SEPTIN11: variants seen among roughly 807,000 people sequenced by gnomAD.
The protein encoded by SEPTIN11 is septin-11.
A neutral mutation model predicts 51.4 loss-of-function variants in SEPTIN11; 25 were observed. That is an observed-to-expected ratio of 0.49 (90% CI 0.35 to 0.68). The LOEUF (loss-of-function observed/expected upper bound fraction) is 0.68, where lower values mean the gene tolerates loss of function less well. Ranked by LOEUF, SEPTIN11 falls within the 30% of genes least tolerant of loss-of-function variation. SEPTIN11 has a pLI of 0.00. For missense variants in SEPTIN11, 381 were observed against 520.8 expected (o/e 0.73, Z 2.61); for synonymous variants, 174 against 184.1 (o/e 0.95, Z 0.44).
intron 2 of SEPTIN11, among the ~76,000 whole-genome samples, chr4:77,000,979 G>A (rs1036370317): frequency 2.0e-5 from 3 of 152,202 alleles, no homozygotes; most frequent in Non-Finnish European, 4.4e-5. Context: ...GGCAATTAGA[G>A]TGAAAGATGC....
chr4:76,982,233 G>C (rs1722808804), intron 1 of SEPTIN11, among the ~76,000 whole-genome samples: 1 of 148,218 alleles, frequency 6.7e-6, no homozygotes, highest in African/African-American at 2.5e-5. Context: ...TTTTGATTGA[G>C]ATGGAGTCTT....
At chr4:76,954,334 A>G (rs1721470795) in intron 1 of SEPTIN11, among the ~76,000 whole-genome samples, 2 of 152,172 alleles carry the variant, frequency 1.3e-5, no homozygotes, top group Non-Finnish European at 2.9e-5. Context: ...TCCATCTTTC[A>G]TAGTCTTAGC....
intron 3 of SEPTIN11, among the ~76,000 whole-genome samples, chr4:77,006,113 T>C (rs894329137): frequency 2.0e-5 from 3 of 151,982 alleles, no homozygotes; most frequent in African/African-American, 7.3e-5. Flanking sequence ...GGAAAAGCAA[T>C]CTAGAGAAAC....
chr4:77,004,792 G>A (rs1460325796), intron 2 of SEPTIN11, among the ~76,000 whole-genome samples: 1 of 151,990 alleles, frequency 6.6e-6, no homozygotes, highest in African/African-American at 2.4e-5. Context: ...GTGAAACCCC[G>A]TCTCTACTAA....
At chr4:77,020,170 A>G (rs1365965970) in intron 6 of SEPTIN11, among the ~76,000 whole-genome samples, 1 of 152,126 alleles carries the variant, frequency 6.6e-6, no homozygotes, top group Non-Finnish European at 1.5e-5. Flanking sequence ...TTGCTCACCA[A>G]GCTCCTGCGT....
In SEPTIN11 at chr4:76,984,431, G is replaced by C. The variant is rs748338623; in HGVS notation, c.28-11994G>C. 5.3e-5 allele frequency among the ~76,000 whole-genome samples: 8 copies of C among 152,164 alleles called. No homozygotes were observed. The highest frequency in any genetic ancestry group is 9.7e-5 in the African/African-American group (4 of 41,446). On this transcript the variant is annotated intron_variant, in intron 1 of 9. Coordinates refer to ENST00000264893, the MANE Select transcript of SEPTIN11 (RefSeq NM_018243.4). This position sits in a 1 kb window ranked among gnomAD's most constrained non-coding sequence, Gnocchi z 4.1. ...GAAATATATGGTATCTTTCAGAAAG[G>C]AAGTGGCTAATTTATATCCGGTGAT... is the stretch of plus-strand genomic sequence containing the variant.
At chr4:76,990,492 C>A (rs1440781245) in intron 1 of SEPTIN11, among the ~76,000 whole-genome samples, 1 of 152,108 alleles carries the variant, frequency 6.6e-6, no homozygotes, top group South Asian at 2.1e-4. Flanking sequence ...CAGCAGGAGG[C>A]GAGTGATGGG....
chr4:77,031,007 A>G (rs1470002612), intron 9 of SEPTIN11, 37 bp downstream of exon 9: 1 of 1,550,276 alleles, frequency 6.5e-7, no homozygotes, highest in Non-Finnish European at 8.7e-7. Context: ...GGGGACCTCT[A>G]ACAATTTATT....
intron 1 of SEPTIN11, among the ~76,000 whole-genome samples, chr4:76,971,133 GAAC>G (rs1476677044): frequency 3.3e-5 from 5 of 152,132 alleles, no homozygotes; most frequent in African/African-American, 4.8e-5. Context: ...AATTAATAGA[GAAC>G]AACATTTTAA....
At chr4:76,980,876 C>A (rs937394571) in intron 1 of SEPTIN11, among the ~76,000 whole-genome samples, 3 of 152,148 alleles carry the variant, frequency 2.0e-5, no homozygotes, top group Admixed American at 2.0e-4. Flanking sequence ...TCCTACAGAT[C>A]GTATGGATTA....
intron 3 of SEPTIN11, among the ~76,000 whole-genome samples, chr4:77,009,595 G>T (rs1250840392): frequency 6.6e-6 from 1 of 152,186 alleles, no homozygotes; most frequent in Non-Finnish European, 1.5e-5. Context: ...ATCCAGTGGG[G>T]AAAGCATTCC....
At chr4:76,973,613 A>C (rs981549314) in intron 1 of SEPTIN11, among the ~76,000 whole-genome samples, 1 of 152,254 alleles carries the variant, frequency 6.6e-6, no homozygotes, top group Non-Finnish European at 1.5e-5. Context: ...GTATGACACA[A>C]ATCGAGCAAA....
rs776098286 is a variant in SEPTIN11, at chr4:77,036,802, C to A, written c.*2290C>A. On this transcript the variant is annotated 3_prime_UTR_variant, in exon 10 of 10. Transcript: ENST00000264893. The stretch of plus-strand genomic sequence containing the variant: ...TGGCTCTGCACGGAATAAATGATAC[C>A]CTCAAATCTAATTGGATGTGCTTTC... The A allele has an allele frequency of 6.3e-5, 96 of 1,530,638 alleles. No homozygotes were observed. In the Middle Eastern group the frequency reaches 1.0e-3, roughly 16 times the overall value. 94.8% of individuals were successfully genotyped at this position (1,530,638 alleles called of 1,614,324 possible).
chr4:77,011,968 CT>C (rs1209767688), intron 4 of SEPTIN11, 47 bp downstream of exon 4: 2 of 1,528,952 alleles, frequency 1.3e-6, no homozygotes, highest in Middle Eastern at 1.7e-4. Context: ...TTTAGATCTT[CT>C]TTATCCTAAT....
chr4:77,030,898 C>A lies in SEPTIN11; in HGVS notation c.1202C>A (p.Ala401Glu). 6.2e-7 allele frequency: 1 copy of A among 1,613,506 alleles called. No homozygotes were observed. The highest frequency in any genetic ancestry group is 8.5e-7 in the Non-Finnish European group (1 of 1,179,890). The change falls in exon 9 of 10, where the codon GCG (alanine) becomes GAG (glutamate). Residue 401 changes from alanine (A) to glutamate (E), a missense_variant. By Grantham distance (107) the Ala-to-Glu change is moderately radical. Around this residue, in one of 2 missense-constraint regions of SEPTIN11, gnomAD observed 197 missense variants for 313.1 expected, o/e 0.63. Transcript: ENST00000264893. ...EVNNFQKKKA[A>E]AQLLQSQAQQ... Reference sequence around the variant, plus strand: ...AACAACTTCCAGAAGAAGAAAGCAGCGGCTCAGTTACTACAGTCCCAGGCC... The same window carrying A: ...AACAACTTCCAGAAGAAGAAAGCAGAGGCTCAGTTACTACAGTCCCAGGCC...
intron 3 of SEPTIN11, among the ~76,000 whole-genome samples, chr4:77,010,805 C>T (rs1042327607): frequency 7.1e-6 from 1 of 140,460 alleles, no homozygotes; most frequent in South Asian, 2.2e-4. Flanking sequence ...ATAGAACAGT[C>T]TCTTTGTTGC....
chr4:77,001,783 G>A (rs973216988), intron 2 of SEPTIN11, among the ~76,000 whole-genome samples: 2 of 152,146 alleles, frequency 1.3e-5, no homozygotes, highest in African/African-American at 4.8e-5. Flanking sequence ...TGCCTAGTAG[G>A]CTTTTAGTTA....
chr4:76,994,495 G>T (rs904039), intron 1 of SEPTIN11, among the ~76,000 whole-genome samples: 79,366 of 151,998 alleles, frequency 0.52, 21,639 homozygotes, highest in Middle Eastern at 0.62. Context: ...TGCCATCCTG[G>T]TCAAGGATAA....
At chr4:77,011,149 A>G (rs1392162643) in intron 3 of SEPTIN11, among the ~76,000 whole-genome samples, 2 of 152,138 alleles carry the variant, frequency 1.3e-5, no homozygotes, top group East Asian at 3.9e-4. Flanking sequence ...GGGAGCACAG[A>G]CAGCCCCCAT....
Sources: allele counts gnomAD v4.1 joint callset (sites outside exome capture counted in the v4.1 genomes callset), GRCh38; gene constraint gnomAD v4.1.1; regional missense constraint gnomAD v4.1.1; non-coding constraint Gnocchi (gnomAD v3.1); transcripts MANE v1.5; gene names NCBI Gene and HGNC (gene_info 2026-07-23, HGNC 2026-07-21).